The following ACKR3 variants were observed in gnomAD, a reference collection of about 807,000 sequenced individuals.
ACKR3 encodes the protein C-X-C chemokine receptor type 7.
Under a neutral mutation model 22.4 loss-of-function variants are expected in ACKR3, and 6 were observed. The ratio of observed to expected loss-of-function variants is 0.27; its 90% CI spans 0.15 to 0.53. The LOEUF (loss-of-function observed/expected upper bound fraction) is 0.53, where lower values mean the gene tolerates loss of function less well. Among genes scored for constraint, ACKR3 ranks in the 20% least tolerant of loss-of-function variants. The probability of loss-of-function intolerance (pLI) is 0.96; values close to 1 mark genes in which losing one functional copy is unlikely to be tolerated. For synonymous variants in ACKR3, 209 were observed against 205.2 expected (o/e 1.02, Z -0.16); for missense variants, 396 against 475.2 (o/e 0.83, Z 1.55).
chr2:236,551,504 A>G, the ACKR3 span, among the ~76,000 whole-genome samples: 1 of 152,030 alleles, frequency 6.6e-6, no homozygotes, highest in Non-Finnish European at 1.5e-5. Flanking sequence ...ATCAGGGGCC[A>G]TCCTGCCACC....
chr2:236,560,243 T>C, the ACKR3 span, among the ~76,000 whole-genome samples: 3 of 152,010 alleles, frequency 2.0e-5, no homozygotes, highest in African/African-American at 7.2e-5. Context: ...CCATAGTGGC[T>C]GCACCATTTT....
At chr2:236,549,031 G>A in the ACKR3 span, among the ~76,000 whole-genome samples, 2 of 152,150 alleles carry the variant, frequency 1.3e-5, no homozygotes, top group Admixed American at 6.6e-5. This position sits in a 1 kb window ranked among gnomAD's most constrained non-coding sequence, Gnocchi z 5.3. Flanking sequence ...AATTACCTTA[G>A]GTCCACCTTG....
the ACKR3 span, among the ~76,000 whole-genome samples, chr2:236,560,623 C>T: frequency 6.6e-6 from 1 of 152,266 alleles, no homozygotes; most frequent in East Asian, 1.9e-4. Flanking sequence ...TCCCCCCATT[C>T]CATAGGTTGC....
the ACKR3 span, among the ~76,000 whole-genome samples, chr2:236,551,124 A>G: frequency 1.8e-4 from 28 of 151,978 alleles, no homozygotes; most frequent in African/African-American, 6.8e-4. Flanking sequence ...TCTGCATCTC[A>G]CACTTCCCGA....
At chr2:236,565,629 C>A (rs1691162563), upstream of ACKR3, among the ~76,000 whole-genome samples, 2 of 152,172 alleles carry the variant, frequency 1.3e-5, no homozygotes, top group Non-Finnish European at 2.9e-5. Context: ...TATGAGGGCT[C>A]CTGTGCTGCG....
the ACKR3 span, among the ~76,000 whole-genome samples, chr2:236,547,741 CA>C: frequency 4.6e-5 from 7 of 152,294 alleles, no homozygotes; most frequent in South Asian, 1.4e-3. Context: ...TCCATTTTTG[CA>C]GCTGAAAAGT....
At chr2:236,575,605 C>CTGTGTGTGCGTGTGTG (rs1491256124) in intron 1 of ACKR3, among the ~76,000 whole-genome samples, 1 of 63,072 alleles carries the variant, frequency 1.6e-5, no homozygotes, top group Non-Finnish European at 2.8e-5. Flanking sequence ...TGGGGTTGTG[C>CTGTGTGTGCGTGTGTG]TCTGTGTGTG....
chr2:236,537,952 C>T, the ACKR3 span, among the ~76,000 whole-genome samples: 5 of 152,196 alleles, frequency 3.3e-5, no homozygotes, highest in East Asian at 9.6e-4. Context: ...TTTTTAGTTG[C>T]TAGGCTAGAA....
chr2:236,575,033 T>G (rs1385703824), intron 1 of ACKR3, among the ~76,000 whole-genome samples: 3 of 151,650 alleles, frequency 2.0e-5, no homozygotes, highest in Non-Finnish European at 4.4e-5. Context: ...AAGGAATGAA[T>G]GAGATAAAAC....
At chr2:236,573,690 T>C (rs772892020) in intron 1 of ACKR3, among the ~76,000 whole-genome samples, 30 of 152,172 alleles carry the variant, frequency 2.0e-4, no homozygotes, top group Non-Finnish European at 4.3e-4. Context: ...AGAGGAGTGA[T>C]GTGTGTGTAG....
chr2:236,559,115 G>A, the ACKR3 span, among the ~76,000 whole-genome samples: 5 of 152,164 alleles, frequency 3.3e-5, no homozygotes, highest in Non-Finnish European at 1.5e-5. Context: ...TCTGTGCTTT[G>A]ATATACTCTC....
At chr2:236,539,019 C>T in the ACKR3 span, among the ~76,000 whole-genome samples, 1 of 152,158 alleles carries the variant, frequency 6.6e-6, no homozygotes, top group Non-Finnish European at 1.5e-5. Context: ...TGGAATGATG[C>T]AGTATGCCTT....
At chr2:236,578,385 G>A (rs1035088985) in intron 1 of ACKR3, among the ~76,000 whole-genome samples, 1 of 152,238 alleles carries the variant, frequency 6.6e-6, no homozygotes, top group Non-Finnish European at 1.5e-5. Context: ...GGGCATCAGG[G>A]CTTGTCATAA....
chr2:236,555,223 T>A, the ACKR3 span, among the ~76,000 whole-genome samples: 2 of 152,246 alleles, frequency 1.3e-5, no homozygotes, highest in Non-Finnish European at 2.9e-5. Flanking sequence ...TGCTTTTGCT[T>A]TGTTTCTTGT....
At position 236,577,509 on chromosome 2, in the gene ACKR3, T is replaced by C. The variant is rs1057247651; in HGVS notation, c.-26-2931T>C. On this transcript the variant is annotated intron_variant, in intron 1 of 1. Transcript: ENST00000272928. The surrounding 1 kb of genome is among the most constrained non-coding windows in gnomAD (Gnocchi z 5.6). ...TAGCTCAAAGCGGGTGAGTGTCTAT[T>C]TTGTGCTAAGAGTGGAGGAACTGGA... 4.6e-5 allele frequency among the ~76,000 whole-genome samples: 7 copies of C among 151,974 alleles called. No homozygotes were observed. The highest frequency in any genetic ancestry group is 1.0e-4 in the Non-Finnish European group (7 of 68,000).
chr2:236,548,051 T>A, the ACKR3 span, among the ~76,000 whole-genome samples: 1 of 152,190 alleles, frequency 6.6e-6, no homozygotes, highest in East Asian at 1.9e-4. This position sits in a 1 kb window ranked among gnomAD's most constrained non-coding sequence, Gnocchi z 4.3. Context: ...CCACTGGCCT[T>A]TCCTAGTTTT....
chr2:236,546,319 C>A, the ACKR3 span, among the ~76,000 whole-genome samples: 18 of 152,170 alleles, frequency 1.2e-4, no homozygotes, highest in African/African-American at 4.1e-4. This position sits in a 1 kb window ranked among gnomAD's most constrained non-coding sequence, Gnocchi z 4.9. Flanking sequence ...CACTCACTGA[C>A]ACACACCTCT....
At chr2:236,567,595 C>G (rs1031347175), upstream of ACKR3, among the ~76,000 whole-genome samples, 1 of 152,166 alleles carries the variant, frequency 6.6e-6, no homozygotes, top group African/African-American at 2.4e-5. Context: ...GGGTGGGAGG[C>G]CCAAGGAGAC....
chr2:236,553,409 A>G, the ACKR3 span, among the ~76,000 whole-genome samples: 19,961 of 152,278 alleles, frequency 0.13, 1,617 homozygotes, highest in African/African-American at 0.23. Context: ...GAACTCTTTA[A>G]TTTTGCTTGA....
Sources: allele counts gnomAD v4.1 joint callset (sites outside exome capture counted in the v4.1 genomes callset), GRCh38; gene constraint gnomAD v4.1.1; non-coding constraint Gnocchi (gnomAD v3.1); transcripts MANE v1.5; gene names NCBI Gene and HGNC (gene_info 2026-07-23, HGNC 2026-07-21).